P2RY14: variants seen among roughly 807,000 people sequenced by gnomAD.
P2RY14 encodes P2Y purinoceptor 14.
Under a neutral mutation model 0.9 loss-of-function variants are expected in P2RY14, and 2 were observed. That is an observed-to-expected ratio of 2.16 (90% CI 0.88 to 6.79). The LOEUF is 6.79. P2RY14 is among the 30% of genes most tolerant of loss of function. The probability of loss-of-function intolerance (pLI) is 0.05; values close to 1 mark genes in which losing one functional copy is unlikely to be tolerated. For missense variants in P2RY14, 378 were observed against 400.1 expected (o/e 0.94, Z 0.47); for synonymous variants, 158 against 147.2 (o/e 1.07, Z -0.53).
chr3:151,265,448 A>G (rs1456795091), intron 1 of P2RY14, among the ~76,000 whole-genome samples: 1 of 152,056 alleles, frequency 6.6e-6, no homozygotes, highest in Non-Finnish European at 1.5e-5. Flanking sequence ...CTTTACTCTT[A>G]TATTTGTGTC....
Position 151,247,296 on chromosome 3 carries a change from A to G in P2RY14, c.-132-27654T>C, listed in dbSNP as rs1444890182. 3.9e-5 allele frequency among the ~76,000 whole-genome samples: 6 copies of G among 152,276 alleles called. No individual in the cohort carries two copies. The East Asian group carries it at 9.7e-4, about 25-fold the overall frequency. ...CCAAAGGATTATAAATCATGCTGCTATAAAGACACATGCACACGTATGTTT... is the reference window on the plus strand; with the variant it reads ...CCAAAGGATTATAAATCATGCTGCTGTAAAGACACATGCACACGTATGTTT... On this transcript the variant is annotated intron_variant, in intron 1 of 2. Coordinates refer to ENST00000309170, the MANE Select transcript of P2RY14 (RefSeq NM_014879.4).
intron 1 of P2RY14, among the ~76,000 whole-genome samples, chr3:151,231,954 C>CT (rs1377558292): frequency 2.0e-4 from 30 of 152,112 alleles, no homozygotes; most frequent in South Asian, 1.5e-3. Context: ...TATTCATGGG[C>CT]TTTTTTTGCT....
chr3:151,224,556 A>G (rs1559900482), intron 1 of P2RY14, among the ~76,000 whole-genome samples: 1 of 152,198 alleles, frequency 6.6e-6, no homozygotes, highest in African/African-American at 2.4e-5. Flanking sequence ...ATAATTTACA[A>G]ATAACTGTCT....
At position 151,213,819 on chromosome 3, in the gene P2RY14, C is replaced by T. The variant is rs1387859407; in HGVS notation, c.498G>A (p.Glu166=). Residue 166 remains glutamate (E), a synonymous_variant, in exon 3 of 3, where the codon GAG becomes GAA. Coordinates refer to ENST00000309170, the MANE Select transcript of P2RY14 (RefSeq NM_014879.4). Reference sequence around the variant, plus strand: ...GTTCTATACATTTTATTTGTGTAACCTCCCTAACACTCTGGTTGGTGAGAA... The same window carrying T: ...GTTCTATACATTTTATTTGTGTAACTTCCCTAACACTCTGGTTGGTGAGAA... ...NIILTNQSVR[E]VTQIKCIELK... 2 of 1,614,184 alleles carry T rather than the reference C, an allele frequency of 1.2e-6. No individual in the cohort carries two copies. The highest frequency in any genetic ancestry group is 3.3e-5 in the Admixed American group (2 of 60,022).
At chr3:151,260,412 T>C (rs1488130515) in intron 1 of P2RY14, among the ~76,000 whole-genome samples, 1 of 152,122 alleles carries the variant, frequency 6.6e-6, no homozygotes, top group African/African-American at 2.4e-5. Flanking sequence ...TGAGGTGGCA[T>C]GATAGTGGAT....
At chr3:151,275,481 G>A (rs927193885) in intron 1 of P2RY14, among the ~76,000 whole-genome samples, 5 of 152,062 alleles carry the variant, frequency 3.3e-5, no homozygotes, top group Non-Finnish European at 5.9e-5. Flanking sequence ...AATTTATACC[G>A]AGTAAAGACA....
intron 1 of P2RY14, among the ~76,000 whole-genome samples, chr3:151,259,516 C>G (rs749619628): frequency 6.6e-6 from 1 of 152,176 alleles, no homozygotes; most frequent in Non-Finnish European, 1.5e-5. Context: ...CTGTCTCAGG[C>G]AAACTGGGGT....
chr3:151,267,099 T>C (rs1739986054), intron 1 of P2RY14, among the ~76,000 whole-genome samples: 1 of 152,242 alleles, frequency 6.6e-6, no homozygotes, highest in Non-Finnish European at 1.5e-5. Context: ...TTCTTGCGTG[T>C]TAGAACTCCT....
intron 1 of P2RY14, among the ~76,000 whole-genome samples, chr3:151,246,466 G>C (rs575473341): frequency 6.6e-6 from 1 of 151,812 alleles, no homozygotes; most frequent in Non-Finnish European, 1.5e-5. Context: ...AAATAACGCC[G>C]CATATCTACA....
rs763872146 is a variant in P2RY14, at chr3:151,214,170, G to A, written c.147C>T (p.Tyr49=). 21 of 1,614,010 alleles carry A rather than the reference G, an allele frequency of 1.3e-5. No homozygotes were observed. The highest frequency in any genetic ancestry group is 1.1e-4 in the East Asian group (5 of 44,898). The stretch of plus-strand genomic sequence containing the variant: ...TGATGAAACTCTTAGAGCTGGGCAC[G>A]TAAAAGAATATCCATCCTGACACTC... ...LNGVSGWIFF[Y]VPSSKSFIIY... The change falls in exon 3 of 3, where the codon TAC becomes TAT. Residue 49 remains tyrosine, a synonymous_variant. Coordinates refer to ENST00000309170, the MANE Select transcript of P2RY14 (RefSeq NM_014879.4).
intron 1 of P2RY14, among the ~76,000 whole-genome samples, chr3:151,239,994 A>G (rs1333645363): frequency 6.6e-6 from 1 of 151,310 alleles, no homozygotes. Context: ...TACCCACCAG[A>G]TGTGTGAATC....
intron 1 of P2RY14, among the ~76,000 whole-genome samples, chr3:151,253,970 A>T (rs1189364949): frequency 6.8e-6 from 1 of 147,246 alleles, no homozygotes; most frequent in African/African-American, 2.5e-5. Context: ...TACATTTGAT[A>T]TACCTTCTTT....
chr3:151,269,127 A>T (rs183451094), intron 1 of P2RY14, among the ~76,000 whole-genome samples: 50 of 152,260 alleles, frequency 3.3e-4, no homozygotes, highest in Admixed American at 2.9e-3. Context: ...AAGGAAATAC[A>T]GGCTGGGCGC....
chr3:151,224,381 A>G (rs6778222), intron 1 of P2RY14, among the ~76,000 whole-genome samples: 47,250 of 151,938 alleles, frequency 0.31, 7,444 homozygotes, highest in Non-Finnish European at 0.33. Flanking sequence ...AATCATTTAT[A>G]CATTTTTAAA....
intron 1 of P2RY14, among the ~76,000 whole-genome samples, chr3:151,256,905 TTTGC>T (rs1449509169): frequency 1.3e-5 from 2 of 151,716 alleles, no homozygotes; most frequent in African/African-American, 2.4e-5. Context: ...AGTGTTTGAA[TTTGC>T]TAAATAATCT....
chr3:151,261,248 A>C (rs186612247), intron 1 of P2RY14: 1 of 152,322 alleles, frequency 6.6e-6, no homozygotes, highest in East Asian at 1.9e-4. Flanking sequence ...GAGACCAAAA[A>C]AAAACCCCAA....
chr3:151,249,413 TC>T (rs1736412213), intron 1 of P2RY14, among the ~76,000 whole-genome samples: 1 of 152,214 alleles, frequency 6.6e-6, no homozygotes, highest in Non-Finnish European at 1.5e-5. Context: ...TCTGCACGTT[TC>T]CTTCTTTCAG....
chr3:151,222,647 C>T (rs1270315373), intron 1 of P2RY14, among the ~76,000 whole-genome samples: 1 of 152,210 alleles, frequency 6.6e-6, no homozygotes, highest in Non-Finnish European at 1.5e-5. Context: ...ACTATAAGTC[C>T]AGTAAACCTC....
intron 1 of P2RY14, among the ~76,000 whole-genome samples, chr3:151,220,423 A>G (rs999352817): frequency 3.3e-5 from 5 of 152,148 alleles, no homozygotes; most frequent in Non-Finnish European, 5.9e-5. Flanking sequence ...GGATCTTGCT[A>G]AAATGAGGAC....
Sources: allele counts gnomAD v4.1 joint callset (sites outside exome capture counted in the v4.1 genomes callset), GRCh38; gene constraint gnomAD v4.1.1; transcripts MANE v1.5; gene names NCBI Gene and HGNC (gene_info 2026-07-23, HGNC 2026-07-21).